The following SH2D3A variants were observed in gnomAD, a reference collection of about 807,000 sequenced individuals.
SH2D3A encodes SH2 domain containing 3A.
SH2D3A carries 46 observed loss-of-function variants against 50.6 expected under a neutral mutation model. The observed-to-expected ratio is 0.91, with a 90% CI of 0.72 to 1.16. The LOEUF (loss-of-function observed/expected upper bound fraction) is 1.16. Ranked by LOEUF, SH2D3A falls within the 50% of genes most tolerant of loss-of-function variation. The pLI, the probability that SH2D3A is intolerant of heterozygous loss-of-function variation, is 0.00. For synonymous variants in SH2D3A, 377 were observed against 348.4 expected, an observed-to-expected ratio of 1.08 and a Z score of -0.91; for missense variants, 783 against 786.2, an observed-to-expected ratio of 1.00 and a Z score of 0.05.
intron 2 of SH2D3A, among the ~76,000 whole-genome samples, chr19:6,762,541 C>T (rs1330551915): frequency 2.3e-5 from 3 of 129,046 alleles, no homozygotes; most frequent in African/African-American, 3.1e-5. Flanking sequence ...AGGTCTCTCT[C>T]GATTGCCCAG....
At chr19:6,756,381 T>C (rs1969678629) in intron 4 of SH2D3A, among the ~76,000 whole-genome samples, 1 of 151,706 alleles carries the variant, frequency 6.6e-6, no homozygotes, top group East Asian at 1.9e-4. Context: ...AAGCTGCGTA[T>C]GGTATGACAC....
intron 9 of SH2D3A, chr19:6,753,112 T>G: frequency 1.0e-6 from 1 of 984,636 alleles, no homozygotes; most frequent in South Asian, 4.7e-5. Flanking sequence ...TGCCCTAGGA[T>G]AGGACGGAGG....
At chr19:6,760,311 G>GTC (rs1347186131) in intron 3 of SH2D3A, among the ~76,000 whole-genome samples, 1 of 152,240 alleles carries the variant, frequency 6.6e-6, no homozygotes, top group Non-Finnish European at 1.5e-5. Context: ...GGGAGGCGGA[G>GTC]GTTGCAGTGG....
intron 8 of SH2D3A, 96 bp from the exon 9 acceptor site, chr19:6,753,737 C>T: frequency 7.8e-7 from 1 of 1,284,526 alleles, no homozygotes; most frequent in East Asian, 2.6e-5. Flanking sequence ...GGGCTTAGGA[C>T]TGAGCGACAG....
At chr19:6,761,166 C>G (rs7257763) in intron 2 of SH2D3A, 179 bp from the exon 3 acceptor site, 2 of 597,440 alleles carry the variant, frequency 3.3e-6, no homozygotes, top group Middle Eastern at 4.5e-4. Context: ...CTGGCACCTA[C>G]GTAGACTACA....
Position 6,752,599 on chromosome 19 carries a change from G to T in SH2D3A, c.1725C>A (p.Asp575Glu), listed in dbSNP as rs866252732. 1.9e-6 allele frequency: 3 copies of T among 1,551,244 alleles called. No individual in the cohort carries two copies. In the East Asian group the frequency reaches 7.1e-5, roughly 37 times the overall value. The part of the protein sequence containing the change: ...LGVLSQRLEP[D>E]R Reference sequence around the variant, plus strand: ...AAGAAGGGTGTCTGCGCTCTCAGCGGTCAGGCTCCAGGCGCTGCGACAGGA... The same window carrying T: ...AAGAAGGGTGTCTGCGCTCTCAGCGTTCAGGCTCCAGGCGCTGCGACAGGA... Residue 575 changes from aspartate (D) to glutamate (E), a missense_variant, in exon 10 of 10, where the codon GAC (aspartate) becomes GAA (glutamate). Transcript: ENST00000245908.
rs758641768 is a variant in SH2D3A at position 6,754,090 on chromosome 19, T to G, written c.1346A>C (p.Glu449Ala). The change falls in exon 8 of 10, where the codon GAG (glutamate) becomes GCG (alanine). Residue 449 changes from glutamate (E) to alanine (A), a missense_variant. Glu to Ala is a moderately radical substitution (Grantham distance 107). Transcript: ENST00000245908. ...CAGAGCCCGCATCAGCGGCTTCAGC[T>G]CCTGCTCAAAGGCCAGCGCAGCCTC... ...HTEAALAFEQ[E>A]LKPLMRALDE... is the part of the protein sequence containing the mutation. 6.2e-7 allele frequency: 1 copy of G among 1,612,500 alleles called. No individual in the cohort carries two copies. The highest frequency in any genetic ancestry group is 1.3e-5 in the African/African-American group (1 of 74,864).
intron 1 of SH2D3A, among the ~76,000 whole-genome samples, chr19:6,765,562 A>G (rs1489471734): frequency 1.3e-5 from 2 of 152,004 alleles, no homozygotes; most frequent in East Asian, 1.9e-4. Flanking sequence ...AGCCTGGTCA[A>G]CACAGTGAAA....
chr19:6,765,172 C>T (rs773328343), intron 1 of SH2D3A, among the ~76,000 whole-genome samples: 87 of 151,824 alleles, frequency 5.7e-4, no homozygotes, highest in African/African-American at 1.8e-3. Context: ...TGAGCCACTG[C>T]GTCTGGCTGT....
chr19:6,753,744 A>G, intron 8 of SH2D3A, 103 bp from the exon 9 acceptor site: 1 of 1,252,176 alleles, frequency 8.0e-7, no homozygotes, highest in South Asian at 1.6e-5. Flanking sequence ...GGACTGAGCG[A>G]CAGCGGGGTC....
chr19:6,766,563 C>A (rs1160672925), intron 1 of SH2D3A, among the ~76,000 whole-genome samples: 1 of 152,216 alleles, frequency 6.6e-6, no homozygotes, highest in African/African-American at 2.4e-5. Flanking sequence ...GCAACACAAA[C>A]ACAGATGTAG....
At chr19:6,754,561 T>C (rs1454726416) in intron 6 of SH2D3A, 55 bp downstream of exon 6, 6 of 1,609,730 alleles carry the variant, frequency 3.7e-6, no homozygotes, top group Non-Finnish European at 5.1e-6. Context: ...TTGGAGATCT[T>C]GGGAAGTGGG....
At chr19:6,765,957 C>T (rs1272665840) in intron 1 of SH2D3A, among the ~76,000 whole-genome samples, 1 of 152,110 alleles carries the variant, frequency 6.6e-6, no homozygotes, top group East Asian at 1.9e-4. Context: ...CAGTGTGTCT[C>T]AGGTGTCTGG....
intron 2 of SH2D3A, among the ~76,000 whole-genome samples, chr19:6,763,312 C>T (rs1841210864): frequency 6.6e-6 from 1 of 152,116 alleles, no homozygotes; most frequent in Non-Finnish European, 1.5e-5. Context: ...GATCCGCCCA[C>T]CTCGGCCTTT....
intron 1 of SH2D3A, 51 bp from the exon 2 acceptor site, chr19:6,763,867 T>C: frequency 1.8e-6 from 1 of 563,072 alleles, no homozygotes; most frequent in Non-Finnish European, 3.0e-6. Context: ...TCAGCTCCTT[T>C]CATCCTCTTC....
In SH2D3A at chr19:6,753,474, C is replaced by T. The variant is rs1969446186; in HGVS notation, c.1552G>A (p.Ala518Thr). ...CGCTCACCTCGCAGGCGCTGGGCTG[C>T]CACCTTGCGGAATTTGGGTGCGTCC... is the stretch of plus-strand genomic sequence containing the variant. ...VRDAPKFRKV[A>T]AQRLRGFRPN... Residue 518 changes from alanine (A) to threonine (T), a missense_variant, in exon 9 of 10, where the codon GCA becomes ACA. Coordinates refer to ENST00000245908, the MANE Select transcript of SH2D3A (RefSeq NM_005490.3). 1 of 1,520,526 alleles carries T rather than the reference C, an allele frequency of 6.6e-7. No individual in the cohort carries two copies. Among genetic ancestry groups the T allele is most frequent in the Non-Finnish European group, 8.9e-7 (1 of 1,128,258 alleles). 94.2% of individuals were successfully genotyped at this position (1,520,526 alleles called of 1,614,324 possible).
At chr19:6,753,414 G>T in intron 9 of SH2D3A, 42 bp downstream of exon 9, 1 of 1,429,262 alleles carries the variant, frequency 7.0e-7, no homozygotes, top group Non-Finnish European at 9.2e-7. Context: ...GAACCTGCAG[G>T]GTGCTCTGAA....
At position 6,752,683 on chromosome 19, in the gene SH2D3A, G is replaced by A; in HGVS notation, c.1641C>T (p.Ser547=). The change falls in exon 10 of 10, where the codon AGC becomes AGT. Residue 547 remains serine (S), a synonymous_variant. Coordinates refer to ENST00000245908, the MANE Select transcript of SH2D3A (RefSeq NM_005490.3). ...CAGCGCGCGGAGCTCCCGCGCCCCG[G>A]CTACCCCAGAGCAGCCTCCGCACGA... ...TGFVRRLLWG[S]RGAGAPRAER... 1 of 1,552,814 alleles carries A rather than the reference G, an allele frequency of 6.4e-7. No individual in the cohort carries two copies.
rs1436563518 is a variant in SH2D3A at position 6,763,797 on chromosome 19, CA to C, written c.-50del. 11 of 1,506,888 alleles carry C rather than the reference CA, an allele frequency of 7.3e-6. No individual in the cohort carries two copies. The African/African-American group carries it at 1.1e-4, about 15-fold the overall frequency. The allele number at this position is 1,506,888 out of a possible 1,614,324, so 93.3% of individuals were successfully genotyped here. A position where few individuals can be genotyped will look rare whatever the true frequency, so the allele number is the denominator to read the frequency against. On this transcript the variant is annotated 5_prime_UTR_variant, in exon 2 of 10. It removes the in-frame stop codon of an upstream open reading frame in the 5' UTR. Transcript: ENST00000245908. ...CCAGGGCTGAGCTCTGCACTTTCAA[CA>C]GGCCTCAGTCTTCCACATCTGTAAA...
Sources: gnomAD v4.1 joint callset for allele counts (sites outside exome capture counted in the v4.1 genomes callset) on GRCh38, gnomAD v4.1.1 for gene constraint, MANE v1.5 for transcripts, NCBI Gene and HGNC (gene_info 2026-07-23, HGNC 2026-07-21) for gene names.